Variants in CCNQ observed in about 807,000 individuals in gnomAD.
CCNQ encodes cyclin-Q.
Under a neutral mutation model 17.7 loss-of-function variants are expected in CCNQ, and 3 were observed. The ratio of observed to expected loss-of-function variants is 0.17; its 90% CI spans 0.08 to 0.44. The LOEUF (loss-of-function observed/expected upper bound fraction) is 0.44. Among genes scored for constraint, CCNQ ranks in the 20% least tolerant of loss-of-function variants. The pLI is 0.99. For missense variants in CCNQ, 146 were observed against 222.6 expected, an observed-to-expected ratio of 0.66 and a Z score of 2.19; for synonymous variants, 73 against 96.0, an observed-to-expected ratio of 0.76 and a Z score of 1.40.
intron 1 of CCNQ, among the ~76,000 whole-genome samples, chrX:153,597,037 T>C (rs2091033248): frequency 8.9e-6 from 1 of 112,320 alleles, no homozygotes; most frequent in Non-Finnish European, 1.9e-5. Context: ...CAGTGGATTC[T>C]ACTTAGGGGT....
intron 4 of CCNQ, among the ~76,000 whole-genome samples, chrX:153,591,778 CAT>C (rs2090993208): frequency 9.1e-6 from 1 of 110,204 alleles, no homozygotes; most frequent in Non-Finnish European, 1.9e-5. Context: ...TTCAAAGACA[CAT>C]GAGCACCCGC....
In CCNQ at chrX:153,599,128, A is replaced by C; in HGVS notation, c.-55T>G. On this transcript the variant is annotated 5_prime_UTR_variant, in exon 1 of 5. Transcript: ENST00000576892. The stretch of plus-strand genomic sequence containing the variant: ...GCGGCCCCGGCGCGCAGAAGCCGGC[A>C]GAACTGGAGGTGCTCGCGGCGGGCG... 1.5e-6 allele frequency: 1 copy of C among 650,867 alleles called. No individual in the cohort carries two copies. Among genetic ancestry groups the C allele is most frequent in the South Asian group, 5.7e-5 (1 of 17,662 alleles). 53.6% of individuals were successfully genotyped at this position (650,867 alleles called of 1,213,427 possible). A position where few individuals can be genotyped will look rare whatever the true frequency, so the allele number is the denominator to read the frequency against.
At position 153,588,179 on chromosome X, in the gene CCNQ, T is replaced by C. The variant is rs1557024913; in HGVS notation, c.*186A>G. The stretch of plus-strand genomic sequence containing the variant: ...TGGAGGCGCGGCTCCCACCATCACC[T>C]GCACCGCGACTTCTAGGGACTGGCA... On this transcript the variant is annotated 3_prime_UTR_variant, in exon 5 of 5. Transcript: ENST00000576892. 1 of 533,878 alleles carries C rather than the reference T, an allele frequency of 1.9e-6. No homozygotes were observed. The highest frequency in any genetic ancestry group is 2.4e-5 in the South Asian group (1 of 41,284). 44.0% of individuals were successfully genotyped at this position (533,878 alleles called of 1,213,427 possible). A position where few individuals can be genotyped will look rare whatever the true frequency, so the allele number is the denominator to read the frequency against.
At chrX:153,597,209 T>C (rs1392444122) in intron 1 of CCNQ, among the ~76,000 whole-genome samples, 3 of 111,980 alleles carry the variant, frequency 2.7e-5, no homozygotes, top group South Asian at 7.4e-4. Context: ...CAATCAACCA[T>C]GAAATGACAG....
intron 3 of CCNQ, among the ~76,000 whole-genome samples, chrX:153,593,162 T>C (rs2091004037): frequency 8.9e-6 from 1 of 112,719 alleles, no homozygotes; most frequent in Non-Finnish European, 1.9e-5. Context: ...CAAGGGCACA[T>C]GCTGTCCTCG....
In CCNQ at chrX:153,587,990, C is replaced by T. The variant is rs895108493; in HGVS notation, c.*375G>A. 2.7e-5 allele frequency: 9 copies of T among 332,859 alleles called. No homozygotes were observed. The highest frequency in any genetic ancestry group is 4.3e-5 in the Non-Finnish European group (8 of 185,099). 27.4% of individuals were successfully genotyped at this position (332,859 alleles called of 1,213,427 possible). A position where few individuals can be genotyped will look rare whatever the true frequency, so the allele number is the denominator to read the frequency against. On this transcript the variant is annotated 3_prime_UTR_variant, in exon 5 of 5. Coordinates refer to ENST00000576892, the MANE Select transcript of CCNQ (RefSeq NM_152274.5). The stretch of plus-strand genomic sequence containing the variant: ...CCACGTTGCACATTCATTCTCCCTA[C>T]AAATCTGGCTTTTAAGAAATCCGTA...
In CCNQ at chrX:153,594,476, C is replaced by T. The variant is rs781972695; in HGVS notation, c.429+71G>A. The T allele has an allele frequency of 1.4e-5, 16 of 1,152,506 alleles. No homozygotes were observed. In the East Asian group the frequency reaches 4.8e-4, roughly 34 times the overall value. The allele number at this position is 1,152,506 out of a possible 1,213,427, so 95.0% of individuals were successfully genotyped here. On this transcript the variant is annotated intron_variant, in intron 3 of 4. Transcript: ENST00000576892. ...GTGCTCTCGAGTATGAGATGGGATGCACTTTTGGGATAAAGAACAGAGACC... is the reference window on the plus strand; with the variant it reads ...GTGCTCTCGAGTATGAGATGGGATGTACTTTTGGGATAAAGAACAGAGACC...
Position 153,596,000 on chromosome X carries a change from T to C in CCNQ, c.296+4A>G. The C allele has an allele frequency of 2.5e-6, 3 of 1,211,918 alleles. No individual in the cohort carries two copies. Among genetic ancestry groups the C allele is most frequent in the Non-Finnish European group, 3.4e-6 (3 of 895,407 alleles). ...AGATCAGGAGCCCAGCCAAATGCCA[T>C]TACCTGTTGGACACATTGATGATGT... On this transcript the variant is annotated splice_donor_region_variant and intron_variant, in intron 2 of 4. Transcript: ENST00000576892.
At position 153,596,192 on chromosome X, in the gene CCNQ, G is replaced by A. The variant is rs199643105; in HGVS notation, c.113-5C>T. The A allele has an allele frequency of 1.2e-4, 147 of 1,209,931 alleles. No individual in the cohort carries two copies. Among genetic ancestry groups the A allele is most frequent in the Middle Eastern group, 6.9e-4 (3 of 4,372 alleles). Reference sequence around the variant, plus strand: ...ACCGCATCCCTAGCTTGACACCTGCGGAGAGAAAGCAGGCAAGAGAGGACT... The same window carrying A: ...ACCGCATCCCTAGCTTGACACCTGCAGAGAGAAAGCAGGCAAGAGAGGACT... On this transcript the variant is annotated splice_region_variant and splice_polypyrimidine_tract_variant and intron_variant, in intron 1 of 4. Coordinates refer to ENST00000576892, the MANE Select transcript of CCNQ (RefSeq NM_152274.5).
intron 4 of CCNQ, among the ~76,000 whole-genome samples, chrX:153,589,527 A>G (rs1364587768): frequency 8.9e-6 from 1 of 112,972 alleles, no homozygotes; most frequent in African/African-American, 3.2e-5. Context: ...CTCCCGGCAC[A>G]GCACTGAGCC....
intron 4 of CCNQ, among the ~76,000 whole-genome samples, chrX:153,590,244 A>AAAAT (rs2148297962): frequency 9.6e-6 from 1 of 104,192 alleles, no homozygotes; most frequent in Non-Finnish European, 2.0e-5. Flanking sequence ...AAAAAAAAAA[A>AAAAT]AAAAAAAAAA....
intron 3 of CCNQ, among the ~76,000 whole-genome samples, chrX:153,593,258 G>A (rs781827053): frequency 1.8e-5 from 2 of 112,556 alleles, no homozygotes; most frequent in African/African-American, 6.4e-5. Flanking sequence ...CACACAATAA[G>A]ACAGATGCTG....
intron 4 of CCNQ, 45 bp from the exon 5 acceptor site, chrX:153,588,499 G>A (rs1557025092): frequency 9.4e-6 from 9 of 952,648 alleles, no homozygotes; most frequent in Middle Eastern, 5.3e-4. Context: ...CTCCCTCTAT[G>A]TTAAACAAGG....
intron 4 of CCNQ, among the ~76,000 whole-genome samples, chrX:153,590,342 G>A (rs1557025495): frequency 1.9e-5 from 2 of 104,291 alleles, no homozygotes; most frequent in East Asian, 6.7e-4. Flanking sequence ...CATGAAATAT[G>A]ATTCAGCCAT....
chrX:153,598,545 G>A (rs1429525476), intron 1 of CCNQ, among the ~76,000 whole-genome samples: 6 of 113,464 alleles, frequency 5.3e-5, no homozygotes, highest in Non-Finnish European at 1.1e-4. Context: ...TTCGGAACAG[G>A]AGCTGCAAGC....
chrX:153,592,573 T>C lies in CCNQ; in HGVS notation c.590A>G (p.Tyr197Cys), dbSNP rs1463781917. 8.3e-7 allele frequency: 1 copy of C among 1,211,446 alleles called. No individual in the cohort carries two copies. Among genetic ancestry groups the C allele is most frequent in the South Asian group, 1.8e-5 (1 of 56,956 alleles). ...QAQHIAVAVL[Y>C]LALQVYGVEV... is the part of the protein sequence containing the mutation. ...AACTCCGTAGACCTGCAGGGCCAGG[T>C]AGAGCACCGCCACGGCGATGTGCTG... The change falls in exon 4 of 5, where the codon TAC (tyrosine) becomes TGC (cysteine). Residue 197 changes from tyrosine (Y) to cysteine (C), a missense_variant. Transcript: ENST00000576892.
Position 153,588,001 on chromosome X carries a change from T to G in CCNQ, c.*364A>C. 2.9e-6 allele frequency: 1 copy of G among 345,886 alleles called. No individual in the cohort carries two copies. 28.5% of individuals were successfully genotyped at this position (345,886 alleles called of 1,213,427 possible). A position where few individuals can be genotyped will look rare whatever the true frequency, so the allele number is the denominator to read the frequency against. ...ATTCATTCTCCCTACAAATCTGGCTTTTAAGAAATCCGTAGGGATTCAGTC... is the reference window on the plus strand; with the variant it reads ...ATTCATTCTCCCTACAAATCTGGCTGTTAAGAAATCCGTAGGGATTCAGTC... On this transcript the variant is annotated 3_prime_UTR_variant, in exon 5 of 5. Transcript: ENST00000576892.
intron 3 of CCNQ, 93 bp from the exon 4 acceptor site, chrX:153,592,826 C>T (rs782508567): frequency 1.0e-4 from 86 of 836,788 alleles, no homozygotes; most frequent in Non-Finnish European, 1.5e-4. Context: ...CCTCCAGCAG[C>T]TTCCATGTCC....
chrX:153,596,052 A>G lies in CCNQ; in HGVS notation c.248T>C (p.Val83Ala), dbSNP rs1355426525. The change falls in exon 2 of 5, where the codon GTG becomes GCG. Residue 83 changes from valine (V) to alanine (A), a missense_variant. By Grantham distance (64) the Val-to-Ala change is moderately conservative (BLOSUM62 0). Transcript: ENST00000576892. ...ACGAGTCCGCAGGTGCTGCTCTTCC[A>G]CTTTGCCGGCCAAGTAAATTGAAGA... ...AMSSIYLAGKVEEQHLRTRDI... is the reference protein window; with the variant it reads ...AMSSIYLAGKAEEQHLRTRDI... The G allele has an allele frequency of 3.3e-6, 4 of 1,212,008 alleles. No homozygotes were observed. Among genetic ancestry groups the G allele is most frequent in the Non-Finnish European group, 4.5e-6 (4 of 895,560 alleles).
Sources: allele counts gnomAD v4.1 joint callset (sites outside exome capture counted in the v4.1 genomes callset), GRCh38; gene constraint gnomAD v4.1.1; transcripts MANE v1.5; gene names NCBI Gene and HGNC (gene_info 2026-07-23, HGNC 2026-07-21).